The following KLF16 variants were observed in gnomAD, a reference collection of about 807,000 sequenced individuals.
KLF16 encodes the protein Krueppel-like factor 16.
KLF16 carries 6 observed loss-of-function variants against 6.1 expected under a neutral mutation model. That is an observed-to-expected ratio of 0.98 (90% CI 0.54 to 1.93). The LOEUF is 1.93. Ranked by LOEUF, KLF16 falls within the 30% of genes most tolerant of loss-of-function variation. The pLI, the probability that KLF16 is intolerant of heterozygous loss-of-function variation, is 0.01. For missense variants in KLF16, 355 were observed against 363.8 expected (o/e 0.98, Z 0.20); for synonymous variants, 211 against 176.5 (o/e 1.20, Z -1.55).
upstream of KLF16, among the ~76,000 whole-genome samples, chr19:1,867,143 C>T (rs780473635): frequency 3.3e-5 from 5 of 152,156 alleles, no homozygotes; most frequent in Non-Finnish European, 5.9e-5. Context: ...AGAGGGGCCA[C>T]GGAGCCAGGA....
chr19:1,863,049 G>A lies in KLF16; in HGVS notation c.449C>T (p.Thr150Met), dbSNP rs200409026. 2 of 1,397,618 alleles carry A rather than the reference G, an allele frequency of 1.4e-6. No individual in the cohort carries two copies. The highest frequency in any genetic ancestry group is 1.9e-6 in the Non-Finnish European group (2 of 1,056,370). The allele number at this position is 1,397,618 out of a possible 1,614,324, so 86.6% of individuals were successfully genotyped here. The change falls in exon 1 of 2, where the codon ACG (threonine) becomes ATG (methionine). Residue 150 changes from threonine (T) to methionine (M), a missense_variant. Coordinates refer to ENST00000250916, the MANE Select transcript of KLF16 (RefSeq NM_031918.4). ...KSSHLKSHLR[T>M]HTGERPFACD... ...ATCGCGGCTGCACTCACCTGTGTGC[G>A]TCCGCAGGTGCGACTTTAGGTGCGA...
chr19:1,863,040 C>T lies in KLF16; in HGVS notation c.457+1G>A. Reference sequence around the variant, plus strand: ...AGGGCCGGGATCGCGGCTGCACTCACCTGTGTGCGTCCGCAGGTGCGACTT... The same window carrying T: ...AGGGCCGGGATCGCGGCTGCACTCATCTGTGTGCGTCCGCAGGTGCGACTT... On this transcript the variant is annotated splice_donor_variant, in intron 1 of 1. Transcript: ENST00000250916. LOFTEE classifies it high-confidence loss of function. 7.2e-7 allele frequency: 1 copy of T among 1,389,208 alleles called. No individual in the cohort carries two copies. Among genetic ancestry groups the T allele is most frequent in the Non-Finnish European group, 9.5e-7 (1 of 1,051,826 alleles). The allele number at this position is 1,389,208 out of a possible 1,614,324, so 86.1% of individuals were successfully genotyped here.
the KLF16 span, among the ~76,000 whole-genome samples, chr19:1,872,443 T>A: frequency 1.3e-5 from 2 of 152,272 alleles, no homozygotes; most frequent in African/African-American, 4.8e-5. Context: ...GTGGTGGGGT[T>A]TCAGGGCACT....
rs115397097 is a variant in KLF16, at chr19:1,861,063, G to C, written c.457+1978C>G. Among the ~76,000 whole-genome samples, 1,251 of 152,068 alleles carry C rather than the reference G, an allele frequency of 8.2e-3. 23 individuals carry two copies. Among genetic ancestry groups the C allele is most frequent in the African/African-American group, 0.028 (1,157 of 41,490 alleles). ...ACTGCATCCACCCCTGGGGATGCCC[G>C]ACTGGGCACCCCCAGGCCTGTTTCT... On this transcript the variant is annotated intron_variant, in intron 1 of 1. Transcript: ENST00000250916.
At chr19:1,871,477 A>AC in the KLF16 span, among the ~76,000 whole-genome samples, 3 of 149,630 alleles carry the variant, frequency 2.0e-5, no homozygotes, top group Admixed American at 1.3e-4. Context: ...TAAAGTCCCC[A>AC]CCCCCCCGGG....
chr19:1,855,961 G>C (rs1020478368), intron 1 of KLF16, among the ~76,000 whole-genome samples: 5 of 152,236 alleles, frequency 3.3e-5, no homozygotes, highest in Non-Finnish European at 1.5e-5. Context: ...AGTAGCAAAA[G>C]AGACGTCAGA....
At chr19:1,870,537 C>G in the KLF16 span, among the ~76,000 whole-genome samples, 1 of 151,982 alleles carries the variant, frequency 6.6e-6, no homozygotes, top group Non-Finnish European at 1.5e-5. Context: ...AGTGTGGTGA[C>G]GTGTGCCTGT....
At chr19:1,865,012 C>T (rs1008576760), upstream of KLF16, among the ~76,000 whole-genome samples, 4 of 152,236 alleles carry the variant, frequency 2.6e-5, no homozygotes, top group South Asian at 2.1e-4. Flanking sequence ...GCCCCATCCC[C>T]CGCCCACCTG....
At chr19:1,859,407 G>C (rs939689210) in intron 1 of KLF16, among the ~76,000 whole-genome samples, 1 of 151,590 alleles carries the variant, frequency 6.6e-6, no homozygotes, top group Non-Finnish European at 1.5e-5. Flanking sequence ...CCCACATCTC[G>C]TCCTGCCCTC....
chr19:1,861,222 G>T (rs914055596), intron 1 of KLF16, among the ~76,000 whole-genome samples: 2 of 152,092 alleles, frequency 1.3e-5, no homozygotes, highest in African/African-American at 4.8e-5. Flanking sequence ...ACTCAGGGAG[G>T]TGGCCATCCC....
chr19:1,859,090 C>G (rs986506258), intron 1 of KLF16, among the ~76,000 whole-genome samples: 5 of 151,726 alleles, frequency 3.3e-5, no homozygotes. Flanking sequence ...CCCCCACCCC[C>G]TATGGCCTGG....
chr19:1,871,918 C>T, the KLF16 span, among the ~76,000 whole-genome samples: 8 of 152,266 alleles, frequency 5.3e-5, no homozygotes, highest in Admixed American at 2.6e-4. Flanking sequence ...GGGCAGGATC[C>T]GGCTGGCATT....
upstream of KLF16, among the ~76,000 whole-genome samples, chr19:1,867,501 C>G (rs1222550979): frequency 6.6e-6 from 1 of 151,468 alleles, no homozygotes; most frequent in African/African-American, 2.4e-5. Context: ...CTTGCGGCCC[C>G]GAGGTCAAGG....
At chr19:1,867,875 A>T (rs2012211521), upstream of KLF16, among the ~76,000 whole-genome samples, 1 of 152,096 alleles carries the variant, frequency 6.6e-6, no homozygotes, top group African/African-American at 2.4e-5. Flanking sequence ...AAATAAATAA[A>T]AACAATAGTA....
chr19:1,856,960 G>A lies in KLF16; in HGVS notation c.458-2200C>T, dbSNP rs1414823030. On this transcript the variant is annotated intron_variant, in intron 1 of 1. Transcript: ENST00000250916. ...GGAGGAGCAGGTTGCCGGGGTGGGG[G>A]GGGCGACCGGGGCAGGGGCGCGCAG... Among the ~76,000 whole-genome samples, 2 of 137,540 alleles carry A rather than the reference G, an allele frequency of 1.5e-5. 1 individual carries two copies. The highest frequency in any genetic ancestry group is 3.1e-5 in the Non-Finnish European group (2 of 65,500). 90.2% of individuals were successfully genotyped at this position (137,540 alleles called of 152,430 possible).
intron 1 of KLF16, among the ~76,000 whole-genome samples, chr19:1,859,599 C>T (rs557461262): frequency 2.5e-4 from 38 of 152,228 alleles, no homozygotes; most frequent in Admixed American, 5.9e-4. Flanking sequence ...AGAGCCAGCA[C>T]GCCCTTCCTC....
chr19:1,865,159 C>T (rs2012166689), upstream of KLF16, among the ~76,000 whole-genome samples: 1 of 152,206 alleles, frequency 6.6e-6, no homozygotes, highest in African/African-American at 2.4e-5. Flanking sequence ...CTGGACAGAG[C>T]GGAGCCGAGA....
chr19:1,854,797 G>A, intron 1 of KLF16, 37 bp from the exon 2 acceptor site: 2 of 1,591,320 alleles, frequency 1.3e-6, no homozygotes, highest in Non-Finnish European at 8.5e-7. Flanking sequence ...CGGGTCAGCG[G>A]GGGCGGGGGG....
upstream of KLF16, among the ~76,000 whole-genome samples, chr19:1,867,292 G>A (rs958389961): frequency 2.6e-5 from 4 of 152,202 alleles, no homozygotes; most frequent in East Asian, 1.9e-4. Context: ...CTGCAGGGCC[G>A]GGTGCAGTGA....
Sources: gnomAD v4.1 joint callset for allele counts (sites outside exome capture counted in the v4.1 genomes callset) on GRCh38, gnomAD v4.1.1 for gene constraint, MANE v1.5 for transcripts, NCBI Gene and HGNC (gene_info 2026-07-23, HGNC 2026-07-21) for gene names.